Variants in MYLK observed in about 807,000 individuals in gnomAD.
MYLK encodes the protein myosin light chain kinase, smooth muscle.
A neutral mutation model predicts 203.4 loss-of-function variants in MYLK; 106 were observed. That is an observed-to-expected ratio of 0.52 (90% CI 0.45 to 0.61). The LOEUF (loss-of-function observed/expected upper bound fraction) is 0.61, where lower values mean the gene tolerates loss of function less well. Ranked by LOEUF, MYLK falls within the 20% of genes least tolerant of loss-of-function variation. MYLK has a pLI of 0.00. For missense variants in MYLK, 2,072 were observed against 2,442.3 expected (o/e 0.85, Z 3.20); for synonymous variants, 867 against 959.5 (o/e 0.90, Z 1.78).
intron 4 of MYLK, among the ~76,000 whole-genome samples, chr3:123,754,567 G>C (rs146237506): frequency 4.6e-5 from 7 of 152,164 alleles, no homozygotes; most frequent in African/African-American, 1.7e-4. Flanking sequence ...AAGTGTTCCA[G>C]AACTTAGGCT....
At chr3:123,762,014 C>T (rs1489310855) in intron 4 of MYLK, among the ~76,000 whole-genome samples, 1 of 151,986 alleles carries the variant, frequency 6.6e-6, no homozygotes, top group African/African-American at 2.4e-5. Context: ...GCAACAAGAG[C>T]GAAACTCCGC....
chr3:123,812,473 C>T (rs1414109275), intron 3 of MYLK, among the ~76,000 whole-genome samples: 2 of 152,188 alleles, frequency 1.3e-5, no homozygotes, highest in Non-Finnish European at 2.9e-5. Flanking sequence ...CCATATCTAG[C>T]CTGGCCTCTA....
intron 4 of MYLK, among the ~76,000 whole-genome samples, chr3:123,752,807 T>C (rs531044611): frequency 2.1e-4 from 32 of 152,194 alleles, no homozygotes; most frequent in African/African-American, 7.5e-4. Context: ...TTTAGAATCA[T>C]CCAGGGGAGC....
At chr3:123,686,521 C>A in intron 19 of MYLK, among the ~76,000 whole-genome samples, 1 of 152,246 alleles carries the variant, frequency 6.6e-6, no homozygotes. Flanking sequence ...CAGCCTCTCC[C>A]TGGGTTGGCT....
chr3:123,868,554 T>C (rs1386948248), intron 2 of MYLK, among the ~76,000 whole-genome samples: 1 of 152,212 alleles, frequency 6.6e-6, no homozygotes, highest in African/African-American at 2.4e-5. Flanking sequence ...CCTGATTCTT[T>C]ATAGATAAAT....
intron 4 of MYLK, among the ~76,000 whole-genome samples, chr3:123,770,004 T>C (rs1576913620): frequency 6.6e-6 from 1 of 152,072 alleles, no homozygotes; most frequent in East Asian, 1.9e-4. Flanking sequence ...GCTGATAGAA[T>C]CAATGTTCTA....
chr3:123,781,023 A>C (rs1259573971), intron 4 of MYLK, among the ~76,000 whole-genome samples: 1 of 152,184 alleles, frequency 6.6e-6, no homozygotes, highest in Non-Finnish European at 1.5e-5. Flanking sequence ...GGGTAGCACT[A>C]TGACAGATTA....
chr3:123,776,875 T>C (rs2064097045), intron 4 of MYLK, among the ~76,000 whole-genome samples: 1 of 152,238 alleles, frequency 6.6e-6, no homozygotes, highest in Non-Finnish European at 1.5e-5. Flanking sequence ...TGGCCTGTGA[T>C]GCTTCCACAA....
rs1330834135 is a variant in MYLK at position 123,820,642 on chromosome 3, C to CCTTCCTTCCTTT, written c.-4+10905_-4+10906insAAAGGAAGGAAG. 2.3e-4 allele frequency among the ~76,000 whole-genome samples: 18 copies of CCTTCCTTCCTTT among 79,808 alleles called. No individual in the cohort carries two copies. The East Asian group carries it at 7.2e-3, about 32-fold the overall frequency. 52.4% of individuals were successfully genotyped at this position (79,808 alleles called of 152,430 possible). ...TCCTTCCTTCCTTCCTTCCTTCCTT[C>CCTTCCTTCCTTT]CCTCCTTCCTTCCTTCCTTCCCTCC... On this transcript the variant is annotated intron_variant, in intron 3 of 33. Coordinates refer to ENST00000360304, the MANE Select transcript of MYLK (RefSeq NM_053025.4).
intron 4 of MYLK, among the ~76,000 whole-genome samples, chr3:123,787,606 A>G (rs989091538): frequency 2.4e-4 from 36 of 152,208 alleles, no homozygotes; most frequent in African/African-American, 7.5e-4. Flanking sequence ...GGGCAGTGTC[A>G]TGCGGCAGGA....
At chr3:123,649,311 C>G (rs567293775) in intron 24 of MYLK, 117 bp from the exon 25 acceptor site, 1 of 1,343,192 alleles carries the variant, frequency 7.4e-7, no homozygotes, top group Non-Finnish European at 1.0e-6. Flanking sequence ...CAGACGACTA[C>G]CAGGTCCAGA....
chr3:123,781,348 C>G (rs1485992494), intron 4 of MYLK, among the ~76,000 whole-genome samples: 1 of 152,210 alleles, frequency 6.6e-6, no homozygotes, highest in Non-Finnish European at 1.5e-5. Context: ...AGTGGCTGGA[C>G]AAATGGAATC....
chr3:123,647,049 G>GT (rs2059044436), intron 27 of MYLK, 175 bp downstream of exon 27: 2 of 666,998 alleles, frequency 3.0e-6, no homozygotes, highest in Non-Finnish European at 5.3e-6. Flanking sequence ...ACTGTGCACA[G>GT]ACCTTCGGTT....
intron 3 of MYLK, among the ~76,000 whole-genome samples, chr3:123,806,053 A>G (rs1380397488): frequency 1.3e-5 from 2 of 150,972 alleles, no homozygotes; most frequent in Admixed American, 6.6e-5. Flanking sequence ...ATATATCACA[A>G]GGAATAGATT....
At position 123,733,012 on chromosome 3, in the gene MYLK, G is replaced by C. The variant is rs878855175; in HGVS notation, c.1400C>G (p.Ala467Gly). 8.1e-6 allele frequency: 13 copies of C among 1,614,192 alleles called. No homozygotes were observed. The highest frequency in any genetic ancestry group is 4.5e-5 in the East Asian group (2 of 44,874). ...CAGCAGGCAGAGGTAATGGGAGCCA[G>C]CATCTTCATAAACCTCAATGCTGCC... ...QEGSIEVYED[A>G]GSHYLCLLKA... Residue 467 changes from alanine (A) to glycine (G), a missense_variant, in exon 11 of 34, where the codon GCT becomes GGT. Ala to Gly is a moderately conservative substitution (Grantham distance 60). Transcript: ENST00000360304.
chr3:123,682,268 G>A lies in MYLK; in HGVS notation c.3608C>T (p.Ser1203Phe), dbSNP rs777876067. ...SENTKAPEMKSRRPKSSLPPV... is the reference protein window; with the variant it reads ...SENTKAPEMKFRRPKSSLPPV... ...AGGAAGAGAGCTCTTGGGCCTCCGG[G>A]ATTTCATCTCTGGGGCCTTGGTGTT... Residue 1203 changes from serine to phenylalanine, a missense_variant, in exon 20 of 34, where the codon TCC becomes TTC. Physicochemically the swap from Ser to Phe is radical, Grantham distance 155 (BLOSUM62 -2). Transcript: ENST00000360304. The A allele has an allele frequency of 5.0e-6, 8 of 1,604,360 alleles. No homozygotes were observed. The highest frequency in any genetic ancestry group is 6.0e-6 in the Non-Finnish European group (7 of 1,175,778).
At chr3:123,814,120 C>T in intron 3 of MYLK, 1 of 356,114 alleles carries the variant, frequency 2.8e-6, no homozygotes, top group Non-Finnish European at 5.6e-6. Context: ...TGTGTAGGCA[C>T]TGACCCAGAA....
chr3:123,735,431 A>T lies in MYLK; in HGVS notation c.755-15T>A. 1 of 1,613,982 alleles carries T rather than the reference A, an allele frequency of 6.2e-7. No individual in the cohort carries two copies. The highest frequency in any genetic ancestry group is 8.5e-7 in the Non-Finnish European group (1 of 1,179,876). On this transcript the variant is annotated splice_polypyrimidine_tract_variant and intron_variant, in intron 8 of 33. Transcript: ENST00000360304. ...ACTGTCCAAACCTGGAAAAAGGGGG[A>T]AGGGTGGAAAGACTGTTAGTAGAAT... is the stretch of plus-strand genomic sequence containing the variant.
At position 123,661,029 on chromosome 3, in the gene MYLK, C is replaced by T. The variant is rs141596955; in HGVS notation, c.3985+3076G>A. ...TGAGGGGGAGGCAGACAGAAAGCCTCGGTTCTCCTCCATTCCATTCCCCTC... is the reference window on the plus strand; with the variant it reads ...TGAGGGGGAGGCAGACAGAAAGCCTTGGTTCTCCTCCATTCCATTCCCCTC... On this transcript the variant is annotated intron_variant, in intron 23 of 33. Coordinates refer to ENST00000360304, the MANE Select transcript of MYLK (RefSeq NM_053025.4). Among the ~76,000 whole-genome samples, 1,514 of 152,336 alleles carry T rather than the reference C, an allele frequency of 9.9e-3. 15 individuals carry two copies. Among genetic ancestry groups the T allele is most frequent in the African/African-American group, 0.031 (1,295 of 41,576 alleles).
Sources: gnomAD v4.1 joint callset for allele counts (sites outside exome capture counted in the v4.1 genomes callset) on GRCh38, gnomAD v4.1.1 for gene constraint, MANE v1.5 for transcripts, NCBI Gene and HGNC (gene_info 2026-07-23, HGNC 2026-07-21) for gene names.